KCNMA1: variants seen among roughly 807,000 people sequenced by gnomAD.
The protein encoded by KCNMA1 is Calcium-activated potassium channel subunit alpha-1.
Under a neutral mutation model 140.0 loss-of-function variants are expected in KCNMA1, and 29 were observed. The observed-to-expected ratio is 0.21, with a 90% CI of 0.15 to 0.28. The LOEUF (loss-of-function observed/expected upper bound fraction) is 0.28. Ranked by LOEUF, KCNMA1 falls within the 10% of genes least tolerant of loss-of-function variation. KCNMA1 has a pLI of 1.00. For synonymous variants in KCNMA1, 612 were observed against 611.9 expected, an observed-to-expected ratio of 1.00 and a Z score of 0.00; for missense variants, 880 against 1,602.2, an observed-to-expected ratio of 0.55 and a Z score of 7.70.
At position 77,637,324 on chromosome 10, in the gene KCNMA1, G is replaced by A; in HGVS notation, c.319C>T (p.Leu107Phe). 6.2e-7 allele frequency: 1 copy of A among 1,613,864 alleles called. No individual in the cohort carries two copies. Among genetic ancestry groups the A allele is most frequent in the Non-Finnish European group, 8.5e-7 (1 of 1,179,928 alleles). ...CACAGGTACTTGAGCGTCCGCCAGA[G>A]CAAGATGATGAAGAGGCCCCCGAAG... ...TFFGGLFIIL[L>F]WRTLKYLWTV... The change falls in exon 1 of 28, where the codon CTC becomes TTC. Residue 107 changes from leucine to phenylalanine, a missense_variant. Physicochemically the swap from Leu to Phe is conservative, Grantham distance 22 (BLOSUM62 0). Coordinates refer to ENST00000286628, the MANE Select transcript of KCNMA1 (RefSeq NM_001161352.2).
intron 5 of KCNMA1, among the ~76,000 whole-genome samples, chr10:77,182,793 T>A (rs1281756931): frequency 1.3e-5 from 2 of 152,124 alleles, no homozygotes; most frequent in African/African-American, 4.8e-5. Context: ...AGCCCTGGGC[T>A]TCCATGACTA....
rs143953911 is a variant in KCNMA1 at position 76,895,733 on chromosome 10, G to A, written c.3148-4014C>T. On this transcript the variant is annotated intron_variant, in intron 25 of 27. Transcript: ENST00000286628. ...ATTCGTTTCTATTTCCTTAAGTGTC[G>A]GCCAGTCTGAGAAATAAAGGGAAAG... Among the ~76,000 whole-genome samples, 1,207 of 152,132 alleles carry A rather than the reference G, an allele frequency of 7.9e-3. 6 individuals carry two copies. Among genetic ancestry groups the A allele is most frequent in the Middle Eastern group, 0.031 (9 of 294 alleles).
intron 1 of KCNMA1, among the ~76,000 whole-genome samples, chr10:77,607,794 G>A (rs1298816974): frequency 2.0e-5 from 3 of 152,180 alleles, no homozygotes; most frequent in Admixed American, 1.3e-4. Flanking sequence ...CTCGCCTTCA[G>A]AACTGTAGGA....
chr10:77,428,176 C>G (rs540319515), intron 1 of KCNMA1, among the ~76,000 whole-genome samples: 1 of 152,170 alleles, frequency 6.6e-6, no homozygotes, highest in African/African-American at 2.4e-5. Context: ...GACAATGCCC[C>G]TCTCTACAGG....
At chr10:77,505,389 A>G (rs370031941) in intron 1 of KCNMA1, among the ~76,000 whole-genome samples, 1 of 152,236 alleles carries the variant, frequency 6.6e-6, no homozygotes. Context: ...GAAGGCAAAT[A>G]AGAGCTTTAC....
At chr10:77,590,959 G>C (rs1269662473) in intron 1 of KCNMA1, among the ~76,000 whole-genome samples, 1 of 152,188 alleles carries the variant, frequency 6.6e-6, no homozygotes, top group Non-Finnish European at 1.5e-5. Context: ...CACCTCATCT[G>C]CCCTGCTGTG....
chr10:76,903,682 G>A (rs548343031), intron 25 of KCNMA1: 2 of 152,326 alleles, frequency 1.3e-5, no homozygotes, highest in South Asian at 4.1e-4. Flanking sequence ...AATTGTTTAT[G>A]TAACTAAAAT....
intron 1 of KCNMA1, among the ~76,000 whole-genome samples, chr10:77,417,050 C>A (rs1055031205): frequency 6.6e-6 from 1 of 152,182 alleles, no homozygotes; most frequent in Non-Finnish European, 1.5e-5. Flanking sequence ...GTCCTCCTGA[C>A]TGCCACACCT....
intron 19 of KCNMA1, among the ~76,000 whole-genome samples, chr10:76,994,186 G>A (rs2083550281): frequency 6.6e-6 from 1 of 152,212 alleles, no homozygotes; most frequent in African/African-American, 2.4e-5. Context: ...TGAGACCCTT[G>A]TGCCTTAGTT....
intron 1 of KCNMA1, among the ~76,000 whole-genome samples, chr10:77,559,956 T>A (rs1482725678): frequency 6.6e-6 from 1 of 151,886 alleles, no homozygotes; most frequent in Admixed American, 6.6e-5. Context: ...AGCAGGTGGA[T>A]CACGAGGTCA....
intron 2 of KCNMA1, among the ~76,000 whole-genome samples, chr10:77,346,783 T>C (rs893113258): frequency 6.6e-6 from 1 of 152,194 alleles, no homozygotes; most frequent in African/African-American, 2.4e-5. Flanking sequence ...AAGATGGAAT[T>C]TGATGCATCT....
chr10:77,041,694 G>A (rs962815859), intron 14 of KCNMA1, among the ~76,000 whole-genome samples: 2 of 152,212 alleles, frequency 1.3e-5, no homozygotes, highest in African/African-American at 4.8e-5. Context: ...CTCCCTGAGG[G>A]AAGGAGGGCA....
chr10:76,974,504 C>T (rs1416825107), intron 19 of KCNMA1: 30 of 1,548,384 alleles, frequency 1.9e-5, no homozygotes, highest in Non-Finnish European at 1.7e-5. Context: ...GGTCACAAGC[C>T]GAGAATTGGG....
intron 5 of KCNMA1, among the ~76,000 whole-genome samples, chr10:77,183,218 G>A (rs1360332821): frequency 6.6e-6 from 1 of 152,220 alleles, no homozygotes; most frequent in Admixed American, 6.5e-5. Context: ...TGCACTGCCT[G>A]AAGCGCAAAC....
At chr10:77,496,971 T>C (rs2042180945) in intron 1 of KCNMA1, among the ~76,000 whole-genome samples, 1 of 152,150 alleles carries the variant, frequency 6.6e-6, no homozygotes, top group Non-Finnish European at 1.5e-5. Context: ...TTGTCCTCAC[T>C]AGGACACCAC....
At chr10:77,624,479 G>T (rs1157368287) in intron 1 of KCNMA1, among the ~76,000 whole-genome samples, 1 of 152,052 alleles carries the variant, frequency 6.6e-6, no homozygotes, top group African/African-American at 2.4e-5. Flanking sequence ...TCTTAAATAT[G>T]TCATCAAAGT....
intron 1 of KCNMA1, among the ~76,000 whole-genome samples, chr10:77,421,144 C>A (rs3844122): frequency 0.013 from 2,054 of 152,372 alleles, 49 homozygotes; most frequent in African/African-American, 0.046. Context: ...CAATACTGGA[C>A]ATTCTTGCAT....
intron 23 of KCNMA1, among the ~76,000 whole-genome samples, chr10:76,927,230 A>T (rs1009340468): frequency 6.6e-6 from 1 of 152,172 alleles, no homozygotes; most frequent in African/African-American, 2.4e-5. Context: ...ACCTTTGCCC[A>T]GAGGATAAAA....
chr10:76,950,048 A>G (rs772829710), intron 21 of KCNMA1, among the ~76,000 whole-genome samples: 11 of 152,340 alleles, frequency 7.2e-5, no homozygotes, highest in South Asian at 6.2e-4. Flanking sequence ...TGAAAATTAC[A>G]TAAAGTTCAA....
Sources: allele counts gnomAD v4.1 joint callset (sites outside exome capture counted in the v4.1 genomes callset), GRCh38; gene constraint gnomAD v4.1.1; transcripts MANE v1.5; gene names NCBI Gene and HGNC (gene_info 2026-07-23, HGNC 2026-07-21).